The following CAMTA1 variants were observed in gnomAD, a reference collection of about 807,000 sequenced individuals.
CAMTA1 encodes the protein calmodulin-binding transcription activator 1.
In CAMTA1, 27 loss-of-function variants were observed where a neutral mutation model predicts 170.9. The observed-to-expected ratio is 0.16, with a 90% CI of 0.12 to 0.22. CAMTA1 has a LOEUF of 0.22. Ranked by LOEUF, CAMTA1 falls within the 10% of genes least tolerant of loss-of-function variation. The pLI is 1.00. For synonymous variants in CAMTA1, 833 were observed against 891.5 expected (o/e 0.93, Z 1.17); for missense variants, 1,619 against 2,217.2 (o/e 0.73, Z 5.42).
At chr1:7,155,384 C>CG (rs1646809751) in intron 4 of CAMTA1, among the ~76,000 whole-genome samples, 5 of 84,766 alleles carry the variant, frequency 5.9e-5, no homozygotes, top group South Asian at 3.6e-4. Flanking sequence ...GTGAGGGCAC[C>CG]GTTGGGGGGG....
intron 7 of CAMTA1, among the ~76,000 whole-genome samples, chr1:7,645,582 A>G (rs2095797239): frequency 6.6e-6 from 1 of 152,260 alleles, no homozygotes. Context: ...ATGGCCCTGC[A>G]GCCATGAGCA....
chr1:6,960,692 T>C (rs1290930637), intron 3 of CAMTA1, among the ~76,000 whole-genome samples: 2 of 152,224 alleles, frequency 1.3e-5, no homozygotes, highest in African/African-American at 4.8e-5. Context: ...AGACAGCGAC[T>C]TCTCGAGGGC....
At chr1:7,186,967 G>C (rs142088157) in intron 4 of CAMTA1, among the ~76,000 whole-genome samples, 87 of 152,164 alleles carry the variant, frequency 5.7e-4, no homozygotes, top group African/African-American at 2.1e-3. Context: ...GTAAAATTCA[G>C]AGTCTTCTTA....
intron 3 of CAMTA1, among the ~76,000 whole-genome samples, chr1:6,977,271 C>A (rs1050690781): frequency 6.6e-6 from 1 of 151,968 alleles, no homozygotes; most frequent in African/African-American, 2.4e-5. Context: ...CAGCTCTTGC[C>A]GCATACTTCT....
chr1:7,381,387 G>A (rs1299542531), intron 5 of CAMTA1, among the ~76,000 whole-genome samples: 1 of 148,480 alleles, frequency 6.7e-6, no homozygotes, highest in Non-Finnish European at 1.5e-5. Context: ...TCCCACCTAT[G>A]AGTGAGAATA....
chr1:7,261,648 A>G (rs1374800242), intron 5 of CAMTA1, among the ~76,000 whole-genome samples: 6 of 152,226 alleles, frequency 3.9e-5, no homozygotes, highest in Non-Finnish European at 7.3e-5. Flanking sequence ...AGGTGGAGGC[A>G]TTCCTGTTCT....
intron 3 of CAMTA1, among the ~76,000 whole-genome samples, chr1:6,993,602 C>T (rs1393282994): frequency 2.0e-5 from 3 of 152,212 alleles, no homozygotes; most frequent in Admixed American, 6.5e-5. Flanking sequence ...TTAATTGCCT[C>T]ATTTTTCACT....
intron 6 of CAMTA1, among the ~76,000 whole-genome samples, chr1:7,639,599 C>A (rs2095744579): frequency 6.6e-6 from 1 of 151,954 alleles, no homozygotes; most frequent in Non-Finnish European, 1.5e-5. Flanking sequence ...ATAGTGAGAC[C>A]CCATCTCTAC....
intron 11 of CAMTA1, among the ~76,000 whole-genome samples, chr1:7,708,208 A>G (rs1203720845): frequency 2.0e-5 from 3 of 152,040 alleles, no homozygotes; most frequent in Non-Finnish European, 4.4e-5. Flanking sequence ...TTGCATGCCT[A>G]CAGTCCCAGC....
Position 7,562,366 on chromosome 1 carries a change from T to C in CAMTA1, c.511-78034T>C, listed in dbSNP as rs1302706651. 4.6e-5 allele frequency among the ~76,000 whole-genome samples: 7 copies of C among 152,204 alleles called. No homozygotes were observed. Among genetic ancestry groups the C allele is most frequent in the African/African-American group, 1.4e-4 (6 of 41,446 alleles). ...CGTTGGGCAGTGTAACTCAGTTGGGTATCAGGGCTGGTGGCAGCAGCAGGG... is the reference window on the plus strand; with the variant it reads ...CGTTGGGCAGTGTAACTCAGTTGGGCATCAGGGCTGGTGGCAGCAGCAGGG... On this transcript the variant is annotated intron_variant, in intron 6 of 22. Coordinates refer to ENST00000303635, the MANE Select transcript of CAMTA1 (RefSeq NM_015215.4). The surrounding 1 kb of genome is among the most constrained non-coding windows in gnomAD (Gnocchi z 4.8).
intron 5 of CAMTA1, among the ~76,000 whole-genome samples, chr1:7,351,171 G>A (rs929782680): frequency 3.9e-5 from 6 of 152,260 alleles, no homozygotes; most frequent in African/African-American, 1.4e-4. Context: ...GCCAAAGTGA[G>A]CATTTTCTCA....
rs968248752 is a variant in CAMTA1 at position 7,064,086 on chromosome 1, C to CCTT, written c.235-27212_235-27210dup. ...TTCACCTTCTCCTCCTCCTCCTCCT[C>CCTT]CTTCTTCTCCTCCTTCTCTCCTTCC... On this transcript the variant is annotated intron_variant, in intron 3 of 22. Transcript: ENST00000303635. This position sits in a 1 kb window ranked among gnomAD's most constrained non-coding sequence, Gnocchi z 5.4. 6.6e-6 allele frequency among the ~76,000 whole-genome samples: 1 copy of CCTT among 151,152 alleles called. No individual in the cohort carries two copies. The highest frequency in any genetic ancestry group is 1.5e-5 in the Non-Finnish European group (1 of 67,778).
chr1:7,062,023 T>G (rs1708294518), intron 3 of CAMTA1, among the ~76,000 whole-genome samples: 1 of 152,118 alleles, frequency 6.6e-6, no homozygotes, highest in Non-Finnish European at 1.5e-5. Flanking sequence ...GTTCAAGTGA[T>G]TCTCCTGCCT....
At chr1:7,328,220 G>A (rs1470023703) in intron 5 of CAMTA1, among the ~76,000 whole-genome samples, 21 of 152,164 alleles carry the variant, frequency 1.4e-4, no homozygotes, top group Admixed American at 6.5e-5. Context: ...CAGACAGGTC[G>A]GGATGATGGC....
intron 1 of CAMTA1, among the ~76,000 whole-genome samples, chr1:6,798,838 C>T (rs538108041): frequency 4.8e-4 from 73 of 151,938 alleles, no homozygotes; most frequent in South Asian, 1.0e-3. Flanking sequence ...CCTCATGATC[C>T]GTCCGCCTCT....
chr1:7,765,407 G>T lies in CAMTA1; in HGVS notation c.4990-1052G>T, dbSNP rs2097013400. Reference sequence around the variant, plus strand: ...ACAGATTGGCAGTGATAATTAATAAGTAATTTGCTGATGTGAACTTTCCAT... The same window carrying T: ...ACAGATTGGCAGTGATAATTAATAATTAATTTGCTGATGTGAACTTTCCAT... On this transcript the variant is annotated intron_variant, in intron 22 of 22. Transcript: ENST00000303635. 2.0e-5 allele frequency among the ~76,000 whole-genome samples: 3 copies of T among 152,198 alleles called. No homozygotes were observed. The South Asian group carries it at 6.2e-4, about 31-fold the overall frequency.
chr1:6,942,698 C>A (rs534108434), intron 3 of CAMTA1, among the ~76,000 whole-genome samples: 1 of 152,126 alleles, frequency 6.6e-6, no homozygotes, highest in Non-Finnish European at 1.5e-5. Flanking sequence ...ACCATGGGCT[C>A]TTTGTGCCAC....
At chr1:6,902,684 A>C (rs1279983675) in intron 3 of CAMTA1, among the ~76,000 whole-genome samples, 1 of 152,252 alleles carries the variant, frequency 6.6e-6, no homozygotes, top group African/African-American at 2.4e-5. Flanking sequence ...GGTAGTTCAC[A>C]AAAGAAGTTA....
At chr1:7,631,830 C>T (rs544801940) in intron 6 of CAMTA1, among the ~76,000 whole-genome samples, 1 of 152,318 alleles carries the variant, frequency 6.6e-6, no homozygotes, top group Non-Finnish European at 1.5e-5. Flanking sequence ...GGATAGAACC[C>T]AAGCCTGCCA....
Sources: gnomAD v4.1 joint callset for allele counts (sites outside exome capture counted in the v4.1 genomes callset) on GRCh38, gnomAD v4.1.1 for gene constraint, Gnocchi (gnomAD v3.1) non-coding constraint, MANE v1.5 for transcripts, NCBI Gene and HGNC (gene_info 2026-07-23, HGNC 2026-07-21) for gene names.